The following CTNNAL1 variants were observed in gnomAD, a reference collection of about 807,000 sequenced individuals.
CTNNAL1 encodes catenin alpha like 1, also known as alpha-catulin.
Under a neutral mutation model 93.6 loss-of-function variants are expected in CTNNAL1, and 69 were observed. The observed-to-expected ratio is 0.74, with a 90% CI of 0.61 to 0.90. The LOEUF is 0.90. CTNNAL1 is among the 40% of genes least tolerant of loss of function. CTNNAL1 has a pLI of 0.00. For missense variants in CTNNAL1, 836 were observed against 862.0 expected (o/e 0.97, Z 0.38); for synonymous variants, 286 against 305.4 (o/e 0.94, Z 0.66).
At chr9:109,007,871 C>G (rs1827081121) in intron 1 of CTNNAL1, among the ~76,000 whole-genome samples, 1 of 152,180 alleles carries the variant, frequency 6.6e-6, no homozygotes, top group Non-Finnish European at 1.5e-5. Context: ...GTGTTCACCA[C>G]TCCTTTATTA....
chr9:108,950,197 A>T (rs1245083814), intron 14 of CTNNAL1, among the ~76,000 whole-genome samples: 2 of 152,226 alleles, frequency 1.3e-5, no homozygotes, highest in Non-Finnish European at 2.9e-5. Context: ...GATTCCAGCC[A>T]AAAGCTGAGA....
intron 8 of CTNNAL1, 31 bp from the exon 9 acceptor site, chr9:108,972,864 G>GGGCGCCCCCCCCCCCC: frequency 7.0e-6 from 1 of 142,584 alleles, no homozygotes; most frequent in Non-Finnish European, 1.0e-5. Flanking sequence ...GGGGGGGTGG[G>GGGCGCCCCCCCCCCCC]AGGGTGGAGA....
intron 11 of CTNNAL1, among the ~76,000 whole-genome samples, chr9:108,961,030 T>C (rs1830807552): frequency 6.6e-6 from 1 of 152,060 alleles, no homozygotes; most frequent in African/African-American, 2.4e-5. Context: ...TCCCTCCTAT[T>C]GCTTAGCGTG....
At chr9:109,012,889 T>A (rs1330615799) in intron 1 of CTNNAL1, among the ~76,000 whole-genome samples, 2 of 152,096 alleles carry the variant, frequency 1.3e-5, no homozygotes, top group African/African-American at 4.8e-5. Flanking sequence ...CAAAGTCGGT[T>A]ATCGTGGAGG....
chr9:108,943,920 C>G, intron 16 of CTNNAL1, 42 bp downstream of exon 16: 1 of 1,605,588 alleles, frequency 6.2e-7, no homozygotes, highest in Non-Finnish European at 8.5e-7. Context: ...GTAGGTTATA[C>G]ATAATACCAC....
At chr9:108,969,633 T>C (rs886364612) in intron 10 of CTNNAL1, among the ~76,000 whole-genome samples, 5 of 152,092 alleles carry the variant, frequency 3.3e-5, no homozygotes, top group African/African-American at 4.8e-5. Context: ...TAATTTAAGA[T>C]AGTTATTTTG....
chr9:108,948,553 A>G (rs1830470961), intron 14 of CTNNAL1, among the ~76,000 whole-genome samples: 2 of 152,130 alleles, frequency 1.3e-5, no homozygotes, highest in Admixed American at 6.6e-5. Context: ...AGATTTGATA[A>G]TGTCTTGACC....
intron 4 of CTNNAL1, among the ~76,000 whole-genome samples, chr9:108,985,592 G>T (rs572576676): frequency 6.6e-6 from 1 of 152,122 alleles, no homozygotes; most frequent in Non-Finnish European, 1.5e-5. Context: ...AATAGTGTAC[G>T]ACAAAGTGCA....
intron 2 of CTNNAL1, among the ~76,000 whole-genome samples, chr9:108,996,146 T>C (rs1388534403): frequency 6.6e-6 from 1 of 151,982 alleles, no homozygotes; most frequent in Non-Finnish European, 1.5e-5. Context: ...TTCTTATGTT[T>C]TGTAGAGACA....
chr9:108,970,754 A>T (rs1278056666), intron 9 of CTNNAL1, among the ~76,000 whole-genome samples: 1 of 152,172 alleles, frequency 6.6e-6, no homozygotes, highest in Non-Finnish European at 1.5e-5. Flanking sequence ...CAGAATATTA[A>T]AACAGAAAGA....
chr9:108,972,864 G>GGGGGGGGCCCCCCCCCC, intron 8 of CTNNAL1, 31 bp from the exon 9 acceptor site: 121 of 141,906 alleles, frequency 8.5e-4, no homozygotes, highest in Non-Finnish European at 1.1e-3. Context: ...GGGGGGGTGG[G>GGGGGGGGCCCCCCCCCC]AGGGTGGAGA....
intron 4 of CTNNAL1, among the ~76,000 whole-genome samples, chr9:108,989,668 C>A (rs1425863732): frequency 6.6e-6 from 1 of 152,162 alleles, no homozygotes; most frequent in African/African-American, 2.4e-5. Context: ...AATACCCCAA[C>A]AAGGAAAAGT....
chr9:109,001,268 T>C (rs1826817079), intron 1 of CTNNAL1, among the ~76,000 whole-genome samples: 1 of 152,152 alleles, frequency 6.6e-6, no homozygotes, highest in Non-Finnish European at 1.5e-5. Flanking sequence ...ATAAACTCTG[T>C]AGTAATTTGA....
At chr9:109,004,510 G>A (rs10979651) in intron 1 of CTNNAL1, among the ~76,000 whole-genome samples, 10,994 of 152,168 alleles carry the variant, frequency 0.072, 502 homozygotes, top group East Asian at 0.15. Context: ...AGAGTTGGCT[G>A]GGCGCAGTGG....
At chr9:108,990,489 C>T (rs1169197908) in intron 4 of CTNNAL1, among the ~76,000 whole-genome samples, 1 of 152,084 alleles carries the variant, frequency 6.6e-6, no homozygotes, top group African/African-American at 2.4e-5. Context: ...GCCCTGATAG[C>T]AAGTATGACC....
intron 3 of CTNNAL1, chr9:108,992,064 G>A (rs940212473): frequency 1.3e-6 from 1 of 768,116 alleles, no homozygotes; most frequent in Non-Finnish European, 2.4e-6. Context: ...TATATTGTTA[G>A]TCTCTGATTT....
chr9:108,972,860 GTGGGA>G, intron 8 of CTNNAL1, 27 bp from the exon 9 acceptor site: 17 of 353,490 alleles, frequency 4.8e-5, no homozygotes, highest in Non-Finnish European at 9.2e-5. Context: ...GGGTGGGGGG[GTGGGA>G]GGGTGGAGAA....
chr9:108,961,064 T>C (rs1024632238), intron 11 of CTNNAL1, among the ~76,000 whole-genome samples: 4 of 142,430 alleles, frequency 2.8e-5, no homozygotes, highest in African/African-American at 8.0e-5. Flanking sequence ...AGTTGGATGG[T>C]TGAATGATAC....
At chr9:108,998,116 C>T (rs1396364169) in intron 2 of CTNNAL1, among the ~76,000 whole-genome samples, 1 of 152,204 alleles carries the variant, frequency 6.6e-6, no homozygotes, top group Admixed American at 6.5e-5. Context: ...TTCCTAATTC[C>T]CTATCCCAGG....
Sources: allele counts gnomAD v4.1 joint callset (sites outside exome capture counted in the v4.1 genomes callset), GRCh38; gene constraint gnomAD v4.1.1; transcripts MANE v1.5; gene names NCBI Gene and HGNC (gene_info 2026-07-23, HGNC 2026-07-21).